ARHGAP6: variants seen among roughly 807,000 people sequenced by gnomAD.
ARHGAP6 encodes rho GTPase-activating protein 6.
ARHGAP6 carries 16 observed loss-of-function variants against 55.7 expected under a neutral mutation model. The ratio of observed to expected loss-of-function variants is 0.29; its 90% CI spans 0.19 to 0.44. The LOEUF is 0.44. Among genes scored for constraint, ARHGAP6 ranks in the 20% least tolerant of loss-of-function variants. The pLI is 1.00. For missense variants in ARHGAP6, 698 were observed against 808.9 expected, an observed-to-expected ratio of 0.86 and a Z score of 1.66; for synonymous variants, 382 against 360.9, an observed-to-expected ratio of 1.06 and a Z score of -0.66.
At chrX:11,446,531 AT>A (rs1286939511) in intron 1 of ARHGAP6, among the ~76,000 whole-genome samples, 1 of 111,748 alleles carries the variant, frequency 8.9e-6, no homozygotes, top group Non-Finnish European at 1.9e-5. Context: ...AGAAAAAAAA[AT>A]GAGAAATTCT....
chrX:11,156,600 C>G lies in ARHGAP6; in HGVS notation c.1836G>C (p.Val612=). 8.3e-7 allele frequency: 1 copy of G among 1,211,006 alleles called. No individual in the cohort carries two copies. The highest frequency in any genetic ancestry group is 1.1e-6 in the Non-Finnish European group (1 of 894,946). The change falls in exon 10 of 13, where the codon GTG becomes GTC. Residue 612 remains valine, a synonymous_variant. Transcript: ENST00000337414. ...FMVPPDLQNE[V]LISLLETDPD... Reference sequence around the variant, plus strand: ...GATCGGTCTCTAACAGGCTGATCAGCACTTCGTTCTGGAGATCTGGGGGAA... The same window carrying G: ...GATCGGTCTCTAACAGGCTGATCAGGACTTCGTTCTGGAGATCTGGGGGAA...
At chrX:11,560,386 T>TA (rs1480433958) in intron 1 of ARHGAP6, among the ~76,000 whole-genome samples, 2 of 112,387 alleles carry the variant, frequency 1.8e-5, no homozygotes, top group African/African-American at 6.5e-5. Flanking sequence ...TCAAAGAATT[T>TA]AAAAGCATCA....
At chrX:11,427,571 C>T (rs1193040793) in intron 1 of ARHGAP6, 19 of 915,322 alleles carry the variant, frequency 2.1e-5, no homozygotes, top group Non-Finnish European at 2.2e-5. Context: ...TGGGGCTTCT[C>T]GCCGCGGTAC....
At chrX:11,309,805 T>A (rs1169998075) in intron 1 of ARHGAP6, among the ~76,000 whole-genome samples, 1 of 111,074 alleles carries the variant, frequency 9.0e-6, no homozygotes, top group Non-Finnish European at 1.9e-5. Flanking sequence ...GAAGAAGATA[T>A]ACAAATGGCT....
At chrX:11,330,810 C>T (rs2048554101) in intron 1 of ARHGAP6, among the ~76,000 whole-genome samples, 1 of 112,068 alleles carries the variant, frequency 8.9e-6, no homozygotes, top group Non-Finnish European at 1.9e-5. Flanking sequence ...TGAATGGTGT[C>T]ATCATCTCAG....
intron 2 of ARHGAP6, among the ~76,000 whole-genome samples, chrX:11,234,687 C>T (rs1249389939): frequency 8.9e-6 from 1 of 112,435 alleles, no homozygotes; most frequent in Non-Finnish European, 1.9e-5. Flanking sequence ...CTAACAGTTG[C>T]ACTCCTTGGT....
At chrX:11,400,445 GA>G (rs1203749588) in intron 1 of ARHGAP6, among the ~76,000 whole-genome samples, 5 of 104,645 alleles carry the variant, frequency 4.8e-5, no homozygotes, top group Non-Finnish European at 7.9e-5. Flanking sequence ...TTCCAGTCAT[GA>G]AAAAAAAAAG....
intron 1 of ARHGAP6, among the ~76,000 whole-genome samples, chrX:11,300,004 T>A (rs1259245410): frequency 1.8e-5 from 2 of 112,440 alleles, no homozygotes; most frequent in Admixed American, 9.4e-5. Context: ...AATGGCTTCA[T>A]AATTGTGAGC....
chrX:11,317,837 T>C (rs1248882461), intron 1 of ARHGAP6, among the ~76,000 whole-genome samples: 1 of 111,795 alleles, frequency 8.9e-6, no homozygotes, highest in Non-Finnish European at 1.9e-5. Context: ...TATAGAATTT[T>C]AGAGCAGGAA....
intron 2 of ARHGAP6, among the ~76,000 whole-genome samples, chrX:11,235,730 G>C (rs2047190490): frequency 9.0e-6 from 1 of 111,344 alleles, no homozygotes; most frequent in East Asian, 2.8e-4. Flanking sequence ...CTACCAGTCT[G>C]TTTGCTAAAG....
intron 1 of ARHGAP6, among the ~76,000 whole-genome samples, chrX:11,609,694 G>A (rs964470351): frequency 3.6e-5 from 4 of 111,653 alleles, no homozygotes; most frequent in African/African-American, 1.3e-4. Flanking sequence ...AAGTGGAAAG[G>A]GCATCAACAG....
At chrX:11,345,577 G>C (rs1013728174) in intron 1 of ARHGAP6, among the ~76,000 whole-genome samples, 3 of 111,913 alleles carry the variant, frequency 2.7e-5, no homozygotes, top group African/African-American at 9.8e-5. Context: ...GAAAAATAAA[G>C]AAAAAAGCAC....
At chrX:11,173,088 A>G (rs944063839) in intron 8 of ARHGAP6, among the ~76,000 whole-genome samples, 2 of 112,143 alleles carry the variant, frequency 1.8e-5, no homozygotes, top group African/African-American at 3.2e-5. Context: ...CAAAGCTCAG[A>G]GCCAGGAGAT....
intron 8 of ARHGAP6, 75 bp downstream of exon 8, chrX:11,178,025 C>T (rs1047739113): frequency 8.5e-7 from 1 of 1,175,974 alleles, no homozygotes; most frequent in South Asian, 1.8e-5. Flanking sequence ...GGCAAAATGG[C>T]CATTTTGGTG....
intron 1 of ARHGAP6, among the ~76,000 whole-genome samples, chrX:11,562,642 CA>C (rs372555472): frequency 9.5e-4 from 96 of 100,781 alleles, no homozygotes; most frequent in African/African-American, 2.3e-3. Context: ...TGATTCCCAT[CA>C]AAAAAAAAAA....
rs1262791543 is a variant in ARHGAP6, at chrX:11,465,629, TA to T, written c.588+198611del. ...ATACTTGATCTGGACTTAGACTTCA[TA>T]AAATATATGATTGCAAGAATAGATT... On this transcript the variant is annotated intron_variant, in intron 1 of 12. Transcript: ENST00000337414. Among the ~76,000 whole-genome samples, 3 of 112,368 alleles carry T rather than the reference TA, an allele frequency of 2.7e-5. No individual in the cohort carries two copies. The East Asian group carries it at 8.4e-4, about 31-fold the overall frequency.
intron 1 of ARHGAP6, among the ~76,000 whole-genome samples, chrX:11,409,898 A>T (rs770367832): frequency 5.3e-5 from 6 of 112,455 alleles, no homozygotes; most frequent in South Asian, 3.7e-4. Flanking sequence ...CCTCAAACCC[A>T]GGAGTTCAAG....
chrX:11,334,804 G>A (rs1013877711), intron 1 of ARHGAP6: 3 of 217,608 alleles, frequency 1.4e-5, no homozygotes, highest in East Asian at 1.2e-4. Context: ...ATCAAAGAAC[G>A]CAGTTTCTTT....
At chrX:11,572,721 G>T (rs1183175178) in intron 1 of ARHGAP6, among the ~76,000 whole-genome samples, 3 of 111,865 alleles carry the variant, frequency 2.7e-5, no homozygotes, top group African/African-American at 9.8e-5. Flanking sequence ...GGAAGGCTGG[G>T]TCAAATGGTA....
Sources: gnomAD v4.1 joint callset for allele counts (sites outside exome capture counted in the v4.1 genomes callset) on GRCh38, gnomAD v4.1.1 for gene constraint, MANE v1.5 for transcripts, NCBI Gene and HGNC (gene_info 2026-07-23, HGNC 2026-07-21) for gene names.